The following PRKN variants were observed in gnomAD, a reference collection of about 807,000 sequenced individuals.
The protein encoded by PRKN is parkin RBR E3 ubiquitin protein ligase.
Under a neutral mutation model 59.5 loss-of-function variants are expected in PRKN, and 56 were observed. That is an observed-to-expected ratio of 0.94 (90% CI 0.76 to 1.18). The LOEUF is 1.18. Ranked by LOEUF, PRKN falls within the 50% of genes most tolerant of loss-of-function variation. PRKN has a pLI of 0.00. For synonymous variants in PRKN, 250 were observed against 222.1 expected (o/e 1.13, Z -1.12); for missense variants, 657 against 596.4 (o/e 1.10, Z -1.06).
chr6:162,262,363 T>C (rs779979436), intron 3 of PRKN, 162 bp downstream of exon 3: 21 of 833,088 alleles, frequency 2.5e-5, no homozygotes, highest in Non-Finnish European at 4.3e-5. Context: ...AAATGTTACA[T>C]CAAAGTACTC....
chr6:162,698,671 T>G (rs1443659900), intron 1 of PRKN, among the ~76,000 whole-genome samples: 1 of 152,182 alleles, frequency 6.6e-6, no homozygotes, highest in Non-Finnish European at 1.5e-5. Context: ...GCTCTCCACC[T>G]TTTCTCCTCC....
chr6:162,546,544 A>C (rs1196947230), intron 1 of PRKN, among the ~76,000 whole-genome samples: 1 of 151,704 alleles, frequency 6.6e-6, no homozygotes, highest in Non-Finnish European at 1.5e-5. Context: ...CTTGGGTTCA[A>C]GCTATTCTCC....
At chr6:161,833,967 A>C (rs1247447895) in intron 6 of PRKN, among the ~76,000 whole-genome samples, 1 of 152,154 alleles carries the variant, frequency 6.6e-6, no homozygotes, top group Non-Finnish European at 1.5e-5. Flanking sequence ...CTCAGAATCT[A>C]TGGGAAACCA....
intron 6 of PRKN, among the ~76,000 whole-genome samples, chr6:161,884,750 T>G (rs941622130): frequency 6.6e-6 from 1 of 152,198 alleles, no homozygotes; most frequent in Admixed American, 6.5e-5. Flanking sequence ...TAGTAGTCAA[T>G]GAGTCTAGAC....
chr6:161,722,793 T>C (rs1787280222), intron 7 of PRKN, among the ~76,000 whole-genome samples: 1 of 152,252 alleles, frequency 6.6e-6, no homozygotes, highest in Non-Finnish European at 1.5e-5. Context: ...AATTGTTTGG[T>C]CTTGCATTTT....
intron 4 of PRKN, among the ~76,000 whole-genome samples, chr6:162,162,444 C>T (rs932616040): frequency 6.6e-6 from 1 of 152,122 alleles, no homozygotes; most frequent in African/African-American, 2.4e-5. Context: ...TGAGGCACGA[C>T]TGTTTGTATT....
chr6:162,415,919 A>T (rs1341071450), intron 2 of PRKN, among the ~76,000 whole-genome samples: 1 of 152,206 alleles, frequency 6.6e-6, no homozygotes, highest in Non-Finnish European at 1.5e-5. Flanking sequence ...AATACTCAGC[A>T]ACACTCGTTA....
chr6:162,217,683 T>C (rs1247648514), intron 3 of PRKN, among the ~76,000 whole-genome samples: 1 of 152,114 alleles, frequency 6.6e-6, no homozygotes, highest in Non-Finnish European at 1.5e-5. Flanking sequence ...TGAGCCACCA[T>C]GCCCAGTTTT....
chr6:162,026,254 G>A (rs1414796848), intron 5 of PRKN, among the ~76,000 whole-genome samples: 1 of 152,186 alleles, frequency 6.6e-6, no homozygotes, highest in Non-Finnish European at 1.5e-5. Context: ...CATGACAAAT[G>A]GAAGGCAAGT....
Position 161,451,424 on chromosome 6 carries a change from C to G in PRKN, c.1084-64547G>C, listed in dbSNP as rs998472480. Among the ~76,000 whole-genome samples the G allele has an allele frequency of 1.3e-5, 2 of 152,084 alleles. No individual in the cohort carries two copies. Among genetic ancestry groups the G allele is most frequent in the African/African-American group, 4.8e-5 (2 of 41,392 alleles). Reference sequence around the variant, plus strand: ...TTAGCATAGGCAGAGTACTGAGAAGCCTTCCTTGTGCCTGTCACTACACTT... The same window carrying G: ...TTAGCATAGGCAGAGTACTGAGAAGGCTTCCTTGTGCCTGTCACTACACTT... On this transcript the variant is annotated intron_variant, in intron 9 of 11. Transcript: ENST00000366898. The surrounding 1 kb of genome is among the most constrained non-coding windows in gnomAD (Gnocchi z 5.9).
At chr6:162,441,773 T>C (rs1583577885) in intron 2 of PRKN, among the ~76,000 whole-genome samples, 1 of 152,172 alleles carries the variant, frequency 6.6e-6, no homozygotes, top group Non-Finnish European at 1.5e-5. Context: ...AATCAACACA[T>C]GTCTTAGGCA....
chr6:161,505,367 G>A (rs1778122721), intron 9 of PRKN, among the ~76,000 whole-genome samples: 1 of 88,650 alleles, frequency 1.1e-5, no homozygotes, highest in African/African-American at 5.4e-5. Flanking sequence ...CTCTTTGATG[G>A]GGTTGTTTGT....
intron 2 of PRKN, among the ~76,000 whole-genome samples, chr6:162,402,399 C>T (rs904561444): frequency 2.6e-5 from 4 of 152,036 alleles, no homozygotes; most frequent in African/African-American, 7.3e-5. Flanking sequence ...AACACAAGGC[C>T]GTTCCCACAC....
At chr6:161,964,036 CAT>C (rs1381593125) in intron 6 of PRKN, among the ~76,000 whole-genome samples, 1 of 152,046 alleles carries the variant, frequency 6.6e-6, no homozygotes, top group Non-Finnish European at 1.5e-5. Flanking sequence ...CTCCTTTTCA[CAT>C]GCAAATCCAC....
intron 7 of PRKN, among the ~76,000 whole-genome samples, chr6:161,733,785 T>TATATATATATATATATATATATATAC (rs1787830952): frequency 2.9e-5 from 2 of 69,898 alleles, no homozygotes; most frequent in African/African-American, 2.5e-4. Flanking sequence ...AAAAAAAAAA[T>TATATATATATATATATATATATATAC]ATATATATAT....
At chr6:162,102,269 A>G (rs958897020) in intron 4 of PRKN, among the ~76,000 whole-genome samples, 1 of 151,824 alleles carries the variant, frequency 6.6e-6, no homozygotes, top group African/African-American at 2.4e-5. Flanking sequence ...GCTCCCACTT[A>G]TAAGTGAGAA....
chr6:161,699,075 G>A (rs1786140830), intron 7 of PRKN, among the ~76,000 whole-genome samples: 1 of 152,262 alleles, frequency 6.6e-6, no homozygotes, highest in East Asian at 1.9e-4. Context: ...CAAAAGAGTT[G>A]AATGGATGCC....
intron 6 of PRKN, among the ~76,000 whole-genome samples, chr6:161,865,603 G>A (rs1004222785): frequency 2.8e-4 from 42 of 152,098 alleles, no homozygotes; most frequent in Admixed American, 2.4e-3. Flanking sequence ...CGATGTAGAC[G>A]GCTTCTTTCC....
At position 162,273,620 on chromosome 6, in the gene PRKN, C is replaced by T. The variant is rs541586076; in HGVS notation, c.172-10855G>A. ...TAAACTTACTGATGTTTTTGGAAAC[C>T]GAGTTTTTCACAGTGGCTGAAGAAG... On this transcript the variant is annotated intron_variant, in intron 2 of 11. Coordinates refer to ENST00000366898, the MANE Select transcript of PRKN (RefSeq NM_004562.3). 1.2e-3 allele frequency among the ~76,000 whole-genome samples: 185 copies of T among 152,048 alleles called. 1 individual carries two copies. The highest frequency in any genetic ancestry group is 4.0e-3 in the African/African-American group (167 of 41,498).
Sources: allele counts gnomAD v4.1 joint callset (sites outside exome capture counted in the v4.1 genomes callset), GRCh38; gene constraint gnomAD v4.1.1; non-coding constraint Gnocchi (gnomAD v3.1); transcripts MANE v1.5; gene names NCBI Gene and HGNC (gene_info 2026-07-23, HGNC 2026-07-21).